Variants in CDH19 observed in about 807,000 individuals in gnomAD.
CDH19 encodes cadherin 19.
Under a neutral mutation model 64.2 loss-of-function variants are expected in CDH19, and 67 were observed. The ratio of observed to expected loss-of-function variants is 1.04; its 90% CI spans 0.86 to 1.28. CDH19 has a LOEUF of 1.28. Among genes scored for constraint, CDH19 ranks in the 50% most tolerant of loss-of-function variants. CDH19 has a pLI of 0.00. For synonymous variants in CDH19, 346 were observed against 319.3 expected (o/e 1.08, Z -0.89); for missense variants, 1,030 against 929.0 (o/e 1.11, Z -1.41).
chr18:66,592,514 A>G (rs754181022), intron 1 of CDH19, among the ~76,000 whole-genome samples: 8 of 151,764 alleles, frequency 5.3e-5, no homozygotes, highest in Non-Finnish European at 1.2e-4. Flanking sequence ...TATATCTATT[A>G]AACAATCTTT....
intron 1 of CDH19, among the ~76,000 whole-genome samples, chr18:66,597,719 T>C (rs563618481): frequency 2.0e-5 from 3 of 152,226 alleles, no homozygotes; most frequent in Admixed American, 2.0e-4. Flanking sequence ...ATCCAGAATC[T>C]ATAAGGTACT....
At chr18:66,598,161 A>G (rs1467412441) in intron 1 of CDH19, among the ~76,000 whole-genome samples, 2 of 152,172 alleles carry the variant, frequency 1.3e-5, no homozygotes, top group Non-Finnish European at 2.9e-5. Context: ...ATGCTGGCAA[A>G]TTTGCATAGA....
intron 9 of CDH19, among the ~76,000 whole-genome samples, chr18:66,525,270 C>A (rs937222639): frequency 3.3e-5 from 5 of 152,022 alleles, no homozygotes; most frequent in Admixed American, 3.3e-4. Context: ...ACTACTTATA[C>A]AGAGATATTG....
At chr18:66,526,949 G>T (rs1233235983) in intron 9 of CDH19, among the ~76,000 whole-genome samples, 3 of 151,444 alleles carry the variant, frequency 2.0e-5, no homozygotes, top group Non-Finnish European at 4.4e-5. Flanking sequence ...TACATGTCCA[G>T]TAATATTTGA....
At chr18:66,575,163 G>C (rs1988229102) in intron 1 of CDH19, among the ~76,000 whole-genome samples, 1 of 151,748 alleles carries the variant, frequency 6.6e-6, no homozygotes, top group Admixed American at 6.6e-5. Context: ...CAGACCTGTG[G>C]ATCATTTCAT....
At chr18:66,582,573 GA>G (rs894244225) in intron 1 of CDH19, among the ~76,000 whole-genome samples, 4 of 128,304 alleles carry the variant, frequency 3.1e-5, no homozygotes, top group African/African-American at 1.2e-4. Flanking sequence ...ACTAAAATGT[GA>G]AAGATCATTT....
Position 66,579,271 on chromosome 18 carries a change from T to TG in CDH19, c.-112-6956dup, listed in dbSNP as rs536088746. Among the ~76,000 whole-genome samples the TG allele has an allele frequency of 2.9e-4, 44 of 152,098 alleles. No homozygotes were observed. In the East Asian group the frequency reaches 8.5e-3, roughly 29 times the overall value. On this transcript the variant is annotated intron_variant, in intron 1 of 11. Transcript: ENST00000262150. ...ATGATATGACCTTTATAAAGAACATTGCCTATAAAGTATTTTACCAAAAAA... is the reference window on the plus strand; with the variant it reads ...ATGATATGACCTTTATAAAGAACATTGGCCTATAAAGTATTTTACCAAAAAA...
chr18:66,520,775 T>TGA (rs1406413499), intron 9 of CDH19, among the ~76,000 whole-genome samples: 1 of 152,046 alleles, frequency 6.6e-6, no homozygotes. Context: ...AATACAAGTC[T>TGA]TCAAGTCTGA....
At chr18:66,571,374 T>C (rs775012893) in intron 2 of CDH19, among the ~76,000 whole-genome samples, 3 of 151,696 alleles carry the variant, frequency 2.0e-5, no homozygotes, top group Non-Finnish European at 3.0e-5. Flanking sequence ...TTCATTTATC[T>C]AGAGAAAAAG....
intron 9 of CDH19, among the ~76,000 whole-genome samples, chr18:66,526,049 G>A (rs1222651350): frequency 5.3e-5 from 8 of 151,960 alleles, no homozygotes; most frequent in Non-Finnish European, 1.5e-5. Flanking sequence ...CATTCTTTCT[G>A]AATAGAGAAA....
At position 66,529,835 on chromosome 18, in the gene CDH19, GA is replaced by G. The variant is rs1986369461; in HGVS notation, c.1458+9del. On this transcript the variant is annotated intron_variant, in intron 9 of 11. Transcript: ENST00000262150. ...TTGTTTAGACTTTGTAATTTATAATGAGTCCTTACCTGACCAGAGCCTGCAT... is the reference window on the plus strand; with the variant it reads ...TTGTTTAGACTTTGTAATTTATAATGGTCCTTACCTGACCAGAGCCTGCAT... The G allele has an allele frequency of 1.3e-6, 2 of 1,528,246 alleles. No homozygotes were observed. The highest frequency in any genetic ancestry group is 1.7e-4 in the Middle Eastern group (1 of 5,798). 94.7% of individuals were successfully genotyped at this position (1,528,246 alleles called of 1,614,324 possible). A position where few individuals can be genotyped will look rare whatever the true frequency, so the allele number is the denominator to read the frequency against.
Position 66,504,974 on chromosome 18 carries a change from C to T in CDH19, c.2157G>A (p.Gln719=), listed in dbSNP as rs1253509547. The change falls in exon 12 of 12, where the codon CAG becomes CAA. Residue 719 remains glutamine (Q), a synonymous_variant. Transcript: ENST00000262150. ...DPCAPPFDSL[Q]TYAFEGTGSL... ...ACCCTGTTCCCTCAAAAGCGTAGGT[C>T]TGGAGGGAATCAAAAGGAGGGGCAC... The T allele has an allele frequency of 6.2e-7, 1 of 1,613,524 alleles. No individual in the cohort carries two copies. Among genetic ancestry groups the T allele is most frequent in the South Asian group, 1.1e-5 (1 of 91,082 alleles).
intron 1 of CDH19, among the ~76,000 whole-genome samples, chr18:66,589,251 C>CAT (rs540998156): frequency 0.027 from 4,070 of 149,022 alleles, 188 homozygotes; most frequent in African/African-American, 0.092. Flanking sequence ...AATATATATA[C>CAT]ATATATATAT....
intron 1 of CDH19, among the ~76,000 whole-genome samples, chr18:66,593,982 A>C (rs1386382272): frequency 6.6e-6 from 1 of 152,158 alleles, no homozygotes; most frequent in Non-Finnish European, 1.5e-5. Context: ...AATGGGCTAA[A>C]TGCCCCACTT....
At chr18:66,586,930 A>T (rs1319058778) in intron 1 of CDH19, among the ~76,000 whole-genome samples, 2 of 152,020 alleles carry the variant, frequency 1.3e-5, no homozygotes, top group African/African-American at 4.8e-5. Context: ...TTTTTATCTT[A>T]TATTAACATT....
intron 3 of CDH19, among the ~76,000 whole-genome samples, chr18:66,558,519 G>A (rs1371018627): frequency 1.3e-5 from 2 of 151,616 alleles, no homozygotes; most frequent in Non-Finnish European, 2.9e-5. Flanking sequence ...AAATCCTCAA[G>A]AAATAGTCAA....
chr18:66,509,164 G>A lies in CDH19; in HGVS notation c.1659C>T (p.Ala553=), dbSNP rs769856415. The A allele has an allele frequency of 3.2e-5, 52 of 1,612,598 alleles. No homozygotes were observed. Among genetic ancestry groups the A allele is most frequent in the East Asian group, 2.9e-4 (13 of 44,846 alleles). Residue 553 remains alanine (A), a synonymous_variant, in exon 11 of 12, where the codon GCC becomes GCT. Transcript: ENST00000262150. ...EPVFYISILI[A]DNGIPSLTST... is the part of the protein sequence containing the mutation. ...TTGTAAGTGACGGGATTCCATTGTC[G>A]GCAATTAAGATGGAGATGTAGAAGA...
At chr18:66,532,718 T>C (rs1241109352) in intron 8 of CDH19, 1 of 452,734 alleles carries the variant, frequency 2.2e-6, no homozygotes, top group Admixed American at 2.4e-5. Context: ...ATATCCTAGA[T>C]GTGGGGAAGG....
chr18:66,600,090 C>T (rs1266083085), intron 1 of CDH19, among the ~76,000 whole-genome samples: 1 of 151,754 alleles, frequency 6.6e-6, no homozygotes, highest in Non-Finnish European at 1.5e-5. Flanking sequence ...ATAGAATAAA[C>T]ATACTTTCTT....
Sources: gnomAD v4.1 joint callset for allele counts (sites outside exome capture counted in the v4.1 genomes callset) on GRCh38, gnomAD v4.1.1 for gene constraint, MANE v1.5 for transcripts, NCBI Gene and HGNC (gene_info 2026-07-23, HGNC 2026-07-21) for gene names.